The following MT2A variants were observed in gnomAD, a reference collection of about 807,000 sequenced individuals.
MT2A encodes the protein metallothionein-2.
A neutral mutation model predicts 9.9 loss-of-function variants in MT2A; 6 were observed. That is an observed-to-expected ratio of 0.61 (90% confidence interval 0.33 to 1.20). The LOEUF (loss-of-function observed/expected upper bound fraction) is 1.20. MT2A is among the 50% of genes most tolerant of loss of function. MT2A has a pLI of 0.04. For missense variants in MT2A, 57 were observed against 78.2 expected (o/e 0.73, Z 1.02); for synonymous variants, 27 against 28.7 (o/e 0.94, Z 0.18).
chr16:56,608,817 C>G (rs1271638610), intron 1 of MT2A, 134 bp downstream of exon 1: 1 of 1,374,902 alleles, frequency 7.3e-7, no homozygotes, highest in South Asian at 1.2e-5. Flanking sequence ...ATCTTTCTCT[C>G]CATTCTAGGT....
chr16:56,608,698 A>G lies in MT2A; in HGVS notation c.28+15A>G, dbSNP rs756845303. The stretch of plus-strand genomic sequence containing the variant: ...CTGCGCCGCCGGTAAGAGGCTGGGG[A>G]TGCCCAGTGTAGACTGTAGCGCTAG... On this transcript the variant is annotated intron_variant, in intron 1 of 2. Coordinates refer to ENST00000245185, the MANE Select transcript of MT2A (RefSeq NM_005953.5). 1 of 1,614,162 alleles carries G rather than the reference A, an allele frequency of 6.2e-7. No homozygotes were observed. Among genetic ancestry groups the G allele is most frequent in the Non-Finnish European group, 8.5e-7 (1 of 1,180,028 alleles).
chr16:56,608,690 G>C lies in MT2A; in HGVS notation c.28+7G>C. ...AACTGCTCCTGCGCCGCCGGTAAGA[G>C]GCTGGGGATGCCCAGTGTAGACTGT... is the stretch of plus-strand genomic sequence containing the variant. On this transcript the variant is annotated splice_region_variant and intron_variant, in intron 1 of 2. Transcript: ENST00000245185. 1 of 1,614,174 alleles carries C rather than the reference G, an allele frequency of 6.2e-7. No homozygotes were observed. Among genetic ancestry groups the C allele is most frequent in the South Asian group, 1.1e-5 (1 of 91,078 alleles).
intron 2 of MT2A, 77 bp from the exon 3 acceptor site, chr16:56,609,186 T>G: frequency 6.2e-7 from 1 of 1,613,178 alleles, no homozygotes; most frequent in Non-Finnish European, 8.5e-7. Flanking sequence ...TCCTCAGTGA[T>G]CCTTATCAGG....
At chr16:56,609,085 C>G in intron 2 of MT2A, 28 bp downstream of exon 2, 1 of 1,613,722 alleles carries the variant, frequency 6.2e-7, no homozygotes, top group East Asian at 2.2e-5. Flanking sequence ...TTTCCTCTAC[C>G]CCTTCCCTGT....
At chr16:56,608,758 T>G in intron 1 of MT2A, 75 bp downstream of exon 1, 1 of 1,594,480 alleles carries the variant, frequency 6.3e-7, no homozygotes, top group Admixed American at 1.7e-5. Flanking sequence ...CTTTCTCTGG[T>G]CACTCAATTT....
At chr16:56,609,115 C>T in intron 2 of MT2A, 58 bp downstream of exon 2, 1 of 1,610,614 alleles carries the variant, frequency 6.2e-7, no homozygotes, top group Non-Finnish European at 8.5e-7. Flanking sequence ...TGTCCCCTCT[C>T]CACCATCCTC....
chr16:56,609,473 T>G lies in MT2A; in HGVS notation c.*119T>G. On this transcript the variant is annotated 3_prime_UTR_variant, in exon 3 of 3. Transcript: ENST00000245185. The stretch of plus-strand genomic sequence containing the variant: ...TCCTTTTTCTATGAAATAATGTGAA[T>G]GATAATAAAACAGCTTTGACTTGAT... The G allele has an allele frequency of 7.5e-7, 1 of 1,334,516 alleles. No homozygotes were observed. The highest frequency in any genetic ancestry group is 1.0e-6 in the Non-Finnish European group (1 of 987,108). The allele number at this position is 1,334,516 out of a possible 1,614,324, so 82.7% of individuals were successfully genotyped here.
Position 56,609,151 on chromosome 16 carries a change from G to T in MT2A, c.94+94G>T, listed in dbSNP as rs753792886. 6 of 1,609,678 alleles carry T rather than the reference G, an allele frequency of 3.7e-6. No individual in the cohort carries two copies. The Admixed American group carries it at 5.0e-5, about 14-fold the overall frequency. ...AGGGGAATTAAAGCAGTCTGGGGAT[G>T]CCCCATTGCGCGGAAATTGTTGCCT... is the stretch of plus-strand genomic sequence containing the variant. On this transcript the variant is annotated intron_variant, in intron 2 of 2. Coordinates refer to ENST00000245185, the MANE Select transcript of MT2A (RefSeq NM_005953.5).
intron 2 of MT2A, 43 bp from the exon 3 acceptor site, chr16:56,609,220 G>T (rs1324456994): frequency 2.3e-5 from 37 of 1,613,718 alleles, no homozygotes; most frequent in Non-Finnish European, 3.1e-5. Flanking sequence ...CTTATTCCCG[G>T]TGTCGCTAGT....
chr16:56,608,865 G>C, intron 1 of MT2A, 127 bp from the exon 2 acceptor site: 4 of 1,336,988 alleles, frequency 3.0e-6, no homozygotes, highest in East Asian at 2.3e-5. Context: ...GGAGATCTGA[G>C]TTAATGGCTT....
chr16:56,609,047 C>T lies in MT2A; in HGVS notation c.84C>T (p.Ser28=). ...SCKCKECKCT[S]CKKSCCSCCP... ...AATGCAAAGAGTGCAAATGCACCTC[C>T]TGCAAGAAAAGTAAGTGGGATCCTC... The change falls in exon 2 of 3, where the codon TCC becomes TCT. Residue 28 remains serine (S), a synonymous_variant. Transcript: ENST00000245185. The T allele has an allele frequency of 6.2e-7, 1 of 1,614,232 alleles. No individual in the cohort carries two copies. Among genetic ancestry groups the T allele is most frequent in the Non-Finnish European group, 8.5e-7 (1 of 1,180,032 alleles).
At position 56,608,792 on chromosome 16, in the gene MT2A, A is replaced by G. The variant is rs529862461; in HGVS notation, c.28+109A>G. On this transcript the variant is annotated intron_variant, in intron 1 of 2. Coordinates refer to ENST00000245185, the MANE Select transcript of MT2A (RefSeq NM_005953.5). Reference sequence around the variant, plus strand: ...TTCAGGACAGGAGTTGCTCCTTCCCAAAGAGTTTTGGGGTATCTTTCTCTC... The same window carrying G: ...TTCAGGACAGGAGTTGCTCCTTCCCGAAGAGTTTTGGGGTATCTTTCTCTC... 9.3e-6 allele frequency: 14 copies of G among 1,510,412 alleles called. No homozygotes were observed. In the South Asian group the frequency reaches 1.1e-4, roughly 12 times the overall value. The allele number at this position is 1,510,412 out of a possible 1,614,324, so 93.6% of individuals were successfully genotyped here. A position where few individuals can be genotyped will look rare whatever the true frequency, so the allele number is the denominator to read the frequency against.
intron 1 of MT2A, 71 bp downstream of exon 1, chr16:56,608,754 C>T: frequency 6.3e-7 from 1 of 1,599,276 alleles, no homozygotes; most frequent in East Asian, 2.2e-5. Context: ...CTTTCTTTCT[C>T]TGGTCACTCA....
In MT2A at chr16:56,609,357, C is replaced by T; in HGVS notation, c.*3C>T. 1 of 1,613,968 alleles carries T rather than the reference C, an allele frequency of 6.2e-7. No individual in the cohort carries two copies. Among genetic ancestry groups the T allele is most frequent in the South Asian group, 1.1e-5 (1 of 91,068 alleles). On this transcript the variant is annotated 3_prime_UTR_variant, in exon 3 of 3. Coordinates refer to ENST00000245185, the MANE Select transcript of MT2A (RefSeq NM_005953.5). ...ACAAGTGCAGCTGCTGCGCCTGATG[C>T]TGGGACAGCCCCGCTCCCAGATGTA...
chr16:56,609,362 A>G lies in MT2A; in HGVS notation c.*8A>G, dbSNP rs1384825553. Reference sequence around the variant, plus strand: ...TGCAGCTGCTGCGCCTGATGCTGGGACAGCCCCGCTCCCAGATGTAAAGAA... The same window carrying G: ...TGCAGCTGCTGCGCCTGATGCTGGGGCAGCCCCGCTCCCAGATGTAAAGAA... On this transcript the variant is annotated 3_prime_UTR_variant, in exon 3 of 3. Transcript: ENST00000245185. The G allele has an allele frequency of 3.1e-6, 5 of 1,613,824 alleles. No homozygotes were observed. The Admixed American group carries it at 6.7e-5, about 22-fold the overall frequency.
chr16:56,609,146 G>A (rs1178844083), intron 2 of MT2A, 89 bp downstream of exon 2: 8 of 1,610,026 alleles, frequency 5.0e-6, no homozygotes, highest in Non-Finnish European at 6.8e-6. Flanking sequence ...AAGCAGTCTG[G>A]GGATGCCCCA....
chr16:56,609,071 T>A lies in MT2A; in HGVS notation c.94+14T>A. 1 of 1,614,112 alleles carries A rather than the reference T, an allele frequency of 6.2e-7. No individual in the cohort carries two copies. The highest frequency in any genetic ancestry group is 8.5e-7 in the Non-Finnish European group (1 of 1,179,952). ...CCTGCAAGAAAAGTAAGTGGGATCC[T>A]CTCTTTCCTCTACCCCTTCCCTGTC... is the stretch of plus-strand genomic sequence containing the variant. On this transcript the variant is annotated intron_variant, in intron 2 of 2. Coordinates refer to ENST00000245185, the MANE Select transcript of MT2A (RefSeq NM_005953.5).
intron 1 of MT2A, 22 bp downstream of exon 1, chr16:56,608,705 G>A: frequency 1.2e-6 from 2 of 1,614,096 alleles, no homozygotes; most frequent in Non-Finnish European, 1.7e-6. Flanking sequence ...GGGATGCCCA[G>A]TGTAGACTGT....
At position 56,609,336 on chromosome 16, in the gene MT2A, G is replaced by A. The variant is rs770550262; in HGVS notation, c.168G>A (p.Lys56=). The A allele has an allele frequency of 1.9e-6, 3 of 1,614,234 alleles. No individual in the cohort carries two copies. The highest frequency in any genetic ancestry group is 2.5e-6 in the Non-Finnish European group (3 of 1,180,046). ...QGCICKGASD[K]CSCCA The stretch of plus-strand genomic sequence containing the variant: ...GCATCTGCAAAGGGGCGTCGGACAA[G>A]TGCAGCTGCTGCGCCTGATGCTGGG... Residue 56 remains lysine (K), a synonymous_variant, in exon 3 of 3, where the codon AAG becomes AAA. Coordinates refer to ENST00000245185, the MANE Select transcript of MT2A (RefSeq NM_005953.5).
Sources: allele counts gnomAD v4.1 joint callset, GRCh38; gene constraint gnomAD v4.1.1; transcripts MANE v1.5; gene names NCBI Gene and HGNC (gene_info 2026-07-23, HGNC 2026-07-21).